Variants in ADAMDEC1 observed in about 807,000 individuals in gnomAD.
The protein encoded by ADAMDEC1 is ADAM DEC1.
ADAMDEC1 carries 62 observed loss-of-function variants against 60.4 expected under a neutral mutation model. The observed-to-expected ratio is 1.03, with a 90% CI of 0.84 to 1.27. The LOEUF is 1.27. Ranked by LOEUF, ADAMDEC1 falls within the 50% of genes most tolerant of loss-of-function variation. The probability of loss-of-function intolerance (pLI) is 0.00; values close to 1 mark genes in which losing one functional copy is unlikely to be tolerated. For missense variants in ADAMDEC1, 595 were observed against 565.0 expected, an observed-to-expected ratio of 1.05 and a Z score of -0.54; for synonymous variants, 210 against 195.1, an observed-to-expected ratio of 1.08 and a Z score of -0.64.
chr8:24,386,544 C>CT (rs940172217), intron 1 of ADAMDEC1, among the ~76,000 whole-genome samples: 39 of 152,274 alleles, frequency 2.6e-4, no homozygotes, highest in African/African-American at 9.1e-4. Context: ...CTCCTTGTCC[C>CT]TATATGATCA....
chr8:24,392,293 G>T lies in ADAMDEC1; in HGVS notation c.120G>T (p.Thr40=). Residue 40 remains threonine, a synonymous_variant, in exon 2 of 14, where the codon ACG becomes ACT. Coordinates refer to ENST00000256412, the MANE Select transcript of ADAMDEC1 (RefSeq NM_014479.3). ...AIAIKQTPEL[T]LHEIVCPKKL... The stretch of plus-strand genomic sequence containing the variant: ...CCATAAAGCAAACACCTGAATTAAC[G>T]CTCCATGAAATAGTTTGTCCTAAAA... 2.5e-6 allele frequency: 4 copies of T among 1,610,468 alleles called. No individual in the cohort carries two copies. The highest frequency in any genetic ancestry group is 1.1e-5 in the South Asian group (1 of 90,246).
rs144960155 is a variant in ADAMDEC1, at chr8:24,394,358, C to T, written c.363+211C>T. ...GGAAAATCACATTCAGCTTTTAAAA[C>T]ATAGGAGCAGCAGAAAGCTTCCAAG... On this transcript the variant is annotated intron_variant, in intron 4 of 13. Transcript: ENST00000256412. Among the ~76,000 whole-genome samples, 412 of 152,218 alleles carry T rather than the reference C, an allele frequency of 2.7e-3. 1 individual carries two copies. Among genetic ancestry groups the T allele is most frequent in the African/African-American group, 9.2e-3 (381 of 41,554 alleles).
At chr8:24,398,105 T>C (rs1382217561) in intron 7 of ADAMDEC1, among the ~76,000 whole-genome samples, 1 of 150,984 alleles carries the variant, frequency 6.6e-6, no homozygotes, top group African/African-American at 2.4e-5. Context: ...CAAAACTCTA[T>C]ATAACTTAGA....
At chr8:24,393,408 C>A in intron 3 of ADAMDEC1, 70 bp downstream of exon 3, 1 of 1,103,494 alleles carries the variant, frequency 9.1e-7, no homozygotes, top group East Asian at 2.5e-5. Flanking sequence ...CTTTTTGAGG[C>A]TCCATTTAGT....
chr8:24,405,673 C>T lies in ADAMDEC1; in HGVS notation c.*375C>T, dbSNP rs1177314102. Reference sequence around the variant, plus strand: ...AAATTACAAGTACTATGCTTTAATGCTTCTTTCATCTTACTAGTATGGCCT... The same window carrying T: ...AAATTACAAGTACTATGCTTTAATGTTTCTTTCATCTTACTAGTATGGCCT... On this transcript the variant is annotated 3_prime_UTR_variant, in exon 14 of 14. Transcript: ENST00000256412. 5.6e-6 allele frequency: 1 copy of T among 179,540 alleles called. No individual in the cohort carries two copies. Among genetic ancestry groups the T allele is most frequent in the Non-Finnish European group, 1.2e-5 (1 of 86,796 alleles). 11.1% of individuals were successfully genotyped at this position (179,540 alleles called of 1,614,324 possible).
intron 4 of ADAMDEC1, among the ~76,000 whole-genome samples, chr8:24,394,817 T>G (rs1044797937): frequency 6.6e-6 from 1 of 152,224 alleles, no homozygotes; most frequent in Non-Finnish European, 1.5e-5. Flanking sequence ...AACATCTGAA[T>G]TTTTGCTAAC....
At chr8:24,392,590 T>C (rs945150478) in intron 2 of ADAMDEC1, among the ~76,000 whole-genome samples, 4 of 152,148 alleles carry the variant, frequency 2.6e-5, no homozygotes, top group African/African-American at 9.7e-5. Context: ...CCTCACTTGA[T>C]AAGAAAGGAT....
Position 24,404,993 on chromosome 8 carries a change from C to T in ADAMDEC1, c.1407-299C>T, listed in dbSNP as rs546230013. ...ATCCAGCTATTTAAGGGCTTGGAAC[C>T]CTAGGTGAACATGCCCCTTACTGTG... On this transcript the variant is annotated intron_variant, in intron 13 of 13. Coordinates refer to ENST00000256412, the MANE Select transcript of ADAMDEC1 (RefSeq NM_014479.3). Among the ~76,000 whole-genome samples, 195 of 152,162 alleles carry T rather than the reference C, an allele frequency of 1.3e-3. 2 individuals are homozygous for T. The highest frequency in any genetic ancestry group is 1.4e-3 in the Non-Finnish European group (96 of 68,002).
At chr8:24,399,304 C>A (rs897273237) in intron 9 of ADAMDEC1, 89 bp from the exon 10 acceptor site, 6 of 1,338,308 alleles carry the variant, frequency 4.5e-6, no homozygotes, top group South Asian at 1.2e-5. Context: ...AAGGCTAGGG[C>A]AGCGAGGCAA....
At chr8:24,394,013 A>T in intron 3 of ADAMDEC1, 56 bp from the exon 4 acceptor site, 1 of 1,192,576 alleles carries the variant, frequency 8.4e-7, no homozygotes, top group Non-Finnish European at 1.2e-6. Context: ...GAAGTTCAGG[A>T]AGTTCTGCCT....
Position 24,405,683 on chromosome 8 carries a change from C to A in ADAMDEC1, c.*385C>A, listed in dbSNP as rs1173754677. 1 of 174,146 alleles carries A rather than the reference C, an allele frequency of 5.7e-6. No homozygotes were observed. The highest frequency in any genetic ancestry group is 1.2e-5 in the Non-Finnish European group (1 of 83,320). The allele number at this position is 174,146 out of a possible 1,614,324, so 10.8% of individuals were successfully genotyped here. ...TACTATGCTTTAATGCTTCTTTCATCTTACTAGTATGGCCTATAAAAAAAA... is the reference window on the plus strand; with the variant it reads ...TACTATGCTTTAATGCTTCTTTCATATTACTAGTATGGCCTATAAAAAAAA... On this transcript the variant is annotated 3_prime_UTR_variant, in exon 14 of 14. Coordinates refer to ENST00000256412, the MANE Select transcript of ADAMDEC1 (RefSeq NM_014479.3).
rs1003771613 is a variant in ADAMDEC1 at position 24,405,524 on chromosome 8, T to A, written c.*226T>A. The stretch of plus-strand genomic sequence containing the variant: ...TTACTTTTTTTTTTCTTTTTTCTTT[T>A]TTTTTAAAGATCATGAATTTGTGAC... On this transcript the variant is annotated 3_prime_UTR_variant, in exon 14 of 14. Transcript: ENST00000256412. 8.4e-5 allele frequency: 41 copies of A among 485,596 alleles called. No individual in the cohort carries two copies. The highest frequency in any genetic ancestry group is 1.4e-4 in the Non-Finnish European group (40 of 277,194). The allele number at this position is 485,596 out of a possible 1,614,324, so 30.1% of individuals were successfully genotyped here. A position where few individuals can be genotyped will look rare whatever the true frequency, so the allele number is the denominator to read the frequency against.
At position 24,398,863 on chromosome 8, in the gene ADAMDEC1, T is replaced by C; in HGVS notation, c.763-11T>C. The C allele has an allele frequency of 6.2e-7, 1 of 1,610,392 alleles. No individual in the cohort carries two copies. Among genetic ancestry groups the C allele is most frequent in the South Asian group, 1.1e-5 (1 of 89,902 alleles). ...TGAACATTTTTATGAAGATAAATGCTCTTTCCACAGATATATAACACCATA... is the reference window on the plus strand; with the variant it reads ...TGAACATTTTTATGAAGATAAATGCCCTTTCCACAGATATATAACACCATA... On this transcript the variant is annotated splice_polypyrimidine_tract_variant and intron_variant, in intron 8 of 13. Coordinates refer to ENST00000256412, the MANE Select transcript of ADAMDEC1 (RefSeq NM_014479.3).
At chr8:24,399,661 G>C (rs554450206) in intron 10 of ADAMDEC1, among the ~76,000 whole-genome samples, 187 bp downstream of exon 10, 1 of 152,254 alleles carries the variant, frequency 6.6e-6, no homozygotes, top group Admixed American at 6.5e-5. Context: ...CCTTACATCA[G>C]CCTTGCTAGA....
At position 24,392,398 on chromosome 8, in the gene ADAMDEC1, C is replaced by G. The variant is rs1817468326; in HGVS notation, c.207+18C>G. On this transcript the variant is annotated intron_variant, in intron 2 of 13. Coordinates refer to ENST00000256412, the MANE Select transcript of ADAMDEC1 (RefSeq NM_014479.3). Reference sequence around the variant, plus strand: ...GCAAAGAGGTAAGCAAGGTGAATGACCGTGGTAGATGTTACAATCATCCAA... The same window carrying G: ...GCAAAGAGGTAAGCAAGGTGAATGAGCGTGGTAGATGTTACAATCATCCAA... 1 of 1,543,856 alleles carries G rather than the reference C, an allele frequency of 6.5e-7. No individual in the cohort carries two copies.
At chr8:24,403,360 G>T (rs1173201842) in intron 12 of ADAMDEC1, among the ~76,000 whole-genome samples, 1 of 151,110 alleles carries the variant, frequency 6.6e-6, no homozygotes, top group Non-Finnish European at 1.5e-5. Context: ...ATATAGTTAG[G>T]GTTTTTTTTT....
At chr8:24,402,445 C>T (rs570387616) in intron 12 of ADAMDEC1, among the ~76,000 whole-genome samples, 6 of 152,192 alleles carry the variant, frequency 3.9e-5, no homozygotes, top group African/African-American at 1.4e-4. Flanking sequence ...GTAAGTTCTA[C>T]TCAGAGGGAG....
chr8:24,398,943 A>G lies in ADAMDEC1; in HGVS notation c.832A>G (p.Lys278Glu). ...AATCTGGTCTGATGGGGATAAGATAAAGGTGGTGCCCAGCGCAAGCACCAC... is the reference window on the plus strand; with the variant it reads ...AATCTGGTCTGATGGGGATAAGATAGAGGTGGTGCCCAGCGCAAGCACCAC... Reference protein sequence around the residue: ...MEIWSDGDKIKVVPSASTTFD... With the variant: ...MEIWSDGDKIEVVPSASTTFD... The change falls in exon 9 of 14, where the codon AAG becomes GAG. Residue 278 changes from lysine to glutamate, a missense_variant. Physicochemically the swap from Lys to Glu is moderately conservative, Grantham distance 56. Coordinates refer to ENST00000256412, the MANE Select transcript of ADAMDEC1 (RefSeq NM_014479.3). 1 of 1,613,876 alleles carries G rather than the reference A, an allele frequency of 6.2e-7. No homozygotes were observed.
chr8:24,399,310 G>A, intron 9 of ADAMDEC1, 83 bp from the exon 10 acceptor site: 1 of 1,389,178 alleles, frequency 7.2e-7, no homozygotes, highest in South Asian at 1.2e-5. Context: ...AGGGCAGCGA[G>A]GCAATTCGTT....
Sources: allele counts gnomAD v4.1 joint callset (sites outside exome capture counted in the v4.1 genomes callset), GRCh38; gene constraint gnomAD v4.1.1; transcripts MANE v1.5; gene names NCBI Gene and HGNC (gene_info 2026-07-23, HGNC 2026-07-21).